Variants in CSNK1A1 observed in about 807,000 individuals in gnomAD.
CSNK1A1 encodes the protein casein kinase 1 alpha 1.
A neutral mutation model predicts 46.1 loss-of-function variants in CSNK1A1; 7 were observed. The ratio of observed to expected loss-of-function variants is 0.15; its 90% CI spans 0.09 to 0.29. CSNK1A1 has a LOEUF of 0.29. Ranked by LOEUF, CSNK1A1 falls within the 10% of genes least tolerant of loss-of-function variation. CSNK1A1 has a pLI of 1.00. For missense variants in CSNK1A1, 96 were observed against 417.1 expected (o/e 0.23, Z 6.71); for synonymous variants, 137 against 141.5 (o/e 0.97, Z 0.23).
chr5:149,503,912 G>A, intron 9 of CSNK1A1: 1 of 985,396 alleles, frequency 1.0e-6, no homozygotes, highest in African/African-American at 1.7e-5. Context: ...CTAGCTTTCG[G>A]CAAAATTGGT....
rs61165245 is a variant in CSNK1A1, at chr5:149,532,566, G to A, written c.231-7395C>T. On this transcript the variant is annotated intron_variant, in intron 2 of 9. Transcript: ENST00000377843. ...ATATCAGCCGGGCGTGGCGTTGGGC[G>A]CCTGTAATCCCAGCTACTCAGGAGG... Among the ~76,000 whole-genome samples, 2,533 of 151,894 alleles carry A rather than the reference G, an allele frequency of 0.017. 264 individuals are homozygous for A. In the East Asian group the frequency reaches 0.31, roughly 19 times the overall value.
At chr5:149,500,974 A>T (rs1034473535) in intron 9 of CSNK1A1, 2 of 985,300 alleles carry the variant, frequency 2.0e-6, no homozygotes, top group Non-Finnish European at 2.4e-6. Flanking sequence ...AACAGAATTC[A>T]TTCTGCTACA....
chr5:149,508,805 T>C (rs933588896), intron 7 of CSNK1A1, among the ~76,000 whole-genome samples: 2 of 152,228 alleles, frequency 1.3e-5, no homozygotes, highest in Non-Finnish European at 2.9e-5. Flanking sequence ...ATTGAAAATG[T>C]TTACCTGCCC....
chr5:149,549,985 C>A lies in CSNK1A1; in HGVS notation c.230+90G>T, dbSNP rs1220082018. The A allele has an allele frequency of 4.1e-6, 6 of 1,471,436 alleles. No homozygotes were observed. The East Asian group carries it at 1.4e-4, about 34-fold the overall frequency. The allele number at this position is 1,471,436 out of a possible 1,614,324, so 91.1% of individuals were successfully genotyped here. A position where few individuals can be genotyped will look rare whatever the true frequency, so the allele number is the denominator to read the frequency against. On this transcript the variant is annotated intron_variant, in intron 2 of 9. Transcript: ENST00000377843. ...ACCCAGGTAACTAAAACACCAAGAC[C>A]CGGATTCAGCTGGTCTCATTACCTG...
intron 8 of CSNK1A1, 76 bp downstream of exon 8, chr5:149,506,951 C>T (rs760440923): frequency 3.3e-4 from 354 of 1,080,916 alleles, no homozygotes; most frequent in Non-Finnish European, 4.6e-4. Flanking sequence ...TAGTATTTAT[C>T]AGAATGAATT....
chr5:149,528,315 G>A (rs2113134976), intron 2 of CSNK1A1, among the ~76,000 whole-genome samples: 1 of 152,294 alleles, frequency 6.6e-6, no homozygotes, highest in East Asian at 1.9e-4. Flanking sequence ...GAGCAACCAT[G>A]CAGTTCTAAA....
chr5:149,520,260 G>T, intron 4 of CSNK1A1, 30 bp downstream of exon 4: 2 of 1,354,396 alleles, frequency 1.5e-6, no homozygotes, highest in Non-Finnish European at 2.1e-6. Flanking sequence ...TTTACTCTTT[G>T]TTCTTTCATG....
In CSNK1A1 at chr5:149,525,976, A is replaced by G. The variant is rs1761715474; in HGVS notation, c.231-805T>C. On this transcript the variant is annotated intron_variant, in intron 2 of 9. Coordinates refer to ENST00000377843, the MANE Select transcript of CSNK1A1 (RefSeq NM_001892.6). The surrounding 1 kb of genome is among the most constrained non-coding windows in gnomAD (Gnocchi z 4.2). ...AGGTGATACTTAAAATTTTGTTTAA[A>G]AAGTTATTTTAAAGCTTAAACTGCA... Among the ~76,000 whole-genome samples, 1 of 152,236 alleles carries G rather than the reference A, an allele frequency of 6.6e-6. No individual in the cohort carries two copies. Among genetic ancestry groups the G allele is most frequent in the Non-Finnish European group, 1.5e-5 (1 of 68,046 alleles).
intron 9 of CSNK1A1, chr5:149,497,148 G>A: frequency 1.7e-6 from 2 of 1,155,354 alleles, no homozygotes; most frequent in Non-Finnish European, 2.1e-6. Flanking sequence ...GCATGTTTCT[G>A]CATTTTTACA....
At chr5:149,534,210 G>A (rs1477986426) in intron 2 of CSNK1A1, among the ~76,000 whole-genome samples, 5 of 151,948 alleles carry the variant, frequency 3.3e-5, no homozygotes, top group East Asian at 1.9e-4. Flanking sequence ...GGCCAGGCGC[G>A]GTGGCTCACA....
At chr5:149,526,643 A>AT (rs1266213869) in intron 2 of CSNK1A1, among the ~76,000 whole-genome samples, 2 of 152,206 alleles carry the variant, frequency 1.3e-5, no homozygotes, top group African/African-American at 4.8e-5. Flanking sequence ...AAATGCAAAG[A>AT]TAACTATACA....
intron 4 of CSNK1A1, among the ~76,000 whole-genome samples, chr5:149,518,142 G>A (rs1761453445): frequency 6.6e-6 from 1 of 152,034 alleles, no homozygotes; most frequent in African/African-American, 2.4e-5. Flanking sequence ...GTGACATTTG[G>A]CTCTTTTATA....
intron 2 of CSNK1A1, among the ~76,000 whole-genome samples, chr5:149,542,616 ATATATATATATATATATATATATG>A (rs1561772204): frequency 1.8e-3 from 22 of 12,002 alleles, no homozygotes; most frequent in African/African-American, 6.6e-3. Context: ...ATATATATAT[ATATATATATATATATATATATATG>A]TATATATATA....
chr5:149,522,776 T>C (rs561479790), intron 3 of CSNK1A1, among the ~76,000 whole-genome samples: 1 of 152,298 alleles, frequency 6.6e-6, no homozygotes, highest in East Asian at 1.9e-4. Flanking sequence ...TTGTTACCCG[T>C]GTACCCAACA....
intron 4 of CSNK1A1, among the ~76,000 whole-genome samples, chr5:149,515,392 G>A (rs1326441938): frequency 6.6e-6 from 1 of 152,182 alleles, no homozygotes; most frequent in Non-Finnish European, 1.5e-5. Context: ...AAAATTCAGT[G>A]TTCGCTGGAG....
intron 7 of CSNK1A1, among the ~76,000 whole-genome samples, chr5:149,508,418 A>G (rs1761105363): frequency 6.6e-6 from 1 of 151,998 alleles, no homozygotes; most frequent in Non-Finnish European, 1.5e-5. Flanking sequence ...TTTAACTCTC[A>G]CTGATTTCTT....
chr5:149,543,800 G>A (rs549669733), intron 2 of CSNK1A1, among the ~76,000 whole-genome samples: 1 of 152,230 alleles, frequency 6.6e-6, no homozygotes, highest in Admixed American at 6.6e-5. Context: ...AGAGGCAGGA[G>A]GATCATTTGA....
intron 8 of CSNK1A1, among the ~76,000 whole-genome samples, chr5:149,506,217 G>A (rs1761019234): frequency 6.6e-6 from 1 of 151,962 alleles, no homozygotes; most frequent in African/African-American, 2.4e-5. Context: ...GTGAGCCATT[G>A]CACCTGGCAG....
intron 4 of CSNK1A1, among the ~76,000 whole-genome samples, chr5:149,519,064 A>G (rs1302762901): frequency 6.6e-6 from 1 of 152,202 alleles, no homozygotes; most frequent in Admixed American, 6.5e-5. Flanking sequence ...GATACTTCAG[A>G]GAAAAGCTAT....
Sources: gnomAD v4.1 joint callset for allele counts (sites outside exome capture counted in the v4.1 genomes callset) on GRCh38, gnomAD v4.1.1 for gene constraint, Gnocchi (gnomAD v3.1) non-coding constraint, MANE v1.5 for transcripts, NCBI Gene and HGNC (gene_info 2026-07-23, HGNC 2026-07-21) for gene names.